Variants in KDM4D observed in about 807,000 individuals in gnomAD.
The protein encoded by KDM4D is lysine demethylase 4D.
For synonymous variants in KDM4D, 254 were observed against 249.1 expected (o/e 1.02, Z -0.19); for missense variants, 427 against 674.8 (o/e 0.63, Z 4.07).
At position 94,978,035 on chromosome 11, in the gene KDM4D, A is replaced by T. The variant is rs746147296; in HGVS notation, c.-350+2287A>T. ...TCTGAAATCCCGATTTCAAATGAAG[A>T]TATGATAAGACCCAGAAATATGACT... On this transcript the variant is annotated intron_variant, in intron 2 of 2. Transcript: ENST00000335080. Among the ~76,000 whole-genome samples the T allele has an allele frequency of 2.0e-5, 3 of 152,244 alleles. No homozygotes were observed. The East Asian group carries it at 5.8e-4, about 29-fold the overall frequency.
intron 2 of KDM4D, among the ~76,000 whole-genome samples, chr11:94,981,219 A>G (rs976115253): frequency 6.6e-6 from 1 of 152,098 alleles, no homozygotes; most frequent in Non-Finnish European, 1.5e-5. Flanking sequence ...TCATTACTGG[A>G]ATAAACCCAT....
intron 2 of KDM4D, among the ~76,000 whole-genome samples, chr11:94,993,835 CTCTTT>C (rs1384459205): frequency 7.9e-5 from 12 of 152,016 alleles, no homozygotes; most frequent in South Asian, 2.1e-4. Flanking sequence ...TCTCACTTTT[CTCTTT>C]TCTTTTCTTT....
intron 2 of KDM4D, among the ~76,000 whole-genome samples, chr11:94,987,283 TAAAA>T (rs1555098218): frequency 1.1e-4 from 17 of 152,352 alleles, no homozygotes; most frequent in African/African-American, 3.8e-4. Flanking sequence ...AGTGTACACT[TAAAA>T]TTGATGAATT....
intron 2 of KDM4D, among the ~76,000 whole-genome samples, chr11:94,991,904 C>A (rs1282839367): frequency 2.6e-5 from 4 of 151,220 alleles, no homozygotes; most frequent in African/African-American, 9.7e-5. Flanking sequence ...GATAGAGAGA[C>A]AAACAACCTA....
rs367586198 is a variant in KDM4D at position 94,991,064 on chromosome 11, T to C, written c.-349-5960T>C. Among the ~76,000 whole-genome samples, 190 of 152,316 alleles carry C rather than the reference T, an allele frequency of 1.2e-3. 3 individuals are homozygous for C. In the South Asian group the frequency reaches 0.038, roughly 30 times the overall value. Reference sequence around the variant, plus strand: ...GTGAACTGTACAAGTAGGGTACTTTTAGAAATGTGTAGCCTCTTTTGCCAT... The same window carrying C: ...GTGAACTGTACAAGTAGGGTACTTTCAGAAATGTGTAGCCTCTTTTGCCAT... On this transcript the variant is annotated intron_variant, in intron 2 of 2. Transcript: ENST00000335080.
intron 2 of KDM4D, among the ~76,000 whole-genome samples, chr11:94,996,641 A>G (rs1032006092): frequency 6.6e-6 from 1 of 152,126 alleles, no homozygotes; most frequent in African/African-American, 2.4e-5. Flanking sequence ...TATTCATTCT[A>G]TTGCTGATGG....
Position 94,997,703 on chromosome 11 carries a change from C to T in KDM4D, c.331C>T (p.Gln111Ter). The change falls in exon 3 of 3, where the codon CAG becomes TAG. Residue 111 changes from glutamine to a stop codon, truncating the protein, a stop_gained. Transcript: ENST00000335080. LOFTEE classifies it low-confidence loss of function (END_TRUNC). ...CCATTTGGCAAACAGTAAAAAATAT[C>T]AGACTCCACCACACCAGAATTTCGA... ...YRHLANSKKY[Q>*]TPPHQNFEDL... is the part of the protein sequence containing the mutation. 1 of 1,614,198 alleles carries T rather than the reference C, an allele frequency of 6.2e-7. No individual in the cohort carries two copies. Among genetic ancestry groups the T allele is most frequent in the Non-Finnish European group, 8.5e-7 (1 of 1,180,034 alleles).
In KDM4D at chr11:94,998,895, T is replaced by A; in HGVS notation, c.1523T>A (p.Leu508His). The change falls in exon 3 of 3, where the codon CTC becomes CAC. Residue 508 changes from leucine (L) to histidine (H), a missense_variant. Coordinates refer to ENST00000335080, the MANE Select transcript of KDM4D (RefSeq NM_018039.3). This position sits in a 1 kb window ranked among gnomAD's most constrained non-coding sequence, Gnocchi z 6.7. ...AAGCCTGTACCACTGAGCCCAGGGC[T>A]CCAGCATCCTGTCAAGGCTTCTGGG... ...MDKPVPLSPG[L>H]QHPVKASGCS... 6.6e-7 allele frequency: 1 copy of A among 1,516,240 alleles called. No homozygotes were observed. Among genetic ancestry groups the A allele is most frequent in the Non-Finnish European group, 8.8e-7 (1 of 1,132,346 alleles). The allele number at this position is 1,516,240 out of a possible 1,614,324, so 93.9% of individuals were successfully genotyped here. A position where few individuals can be genotyped will look rare whatever the true frequency, so the allele number is the denominator to read the frequency against.
intron 2 of KDM4D, among the ~76,000 whole-genome samples, chr11:94,980,693 C>T (rs920133797): frequency 2.0e-5 from 3 of 152,002 alleles, no homozygotes; most frequent in African/African-American, 4.8e-5. Flanking sequence ...TTATAAATGG[C>T]GTCTTCCTTA....
chr11:94,992,383 A>T (rs1322532915), intron 2 of KDM4D, among the ~76,000 whole-genome samples: 1 of 152,000 alleles, frequency 6.6e-6, no homozygotes, highest in Admixed American at 6.6e-5. Context: ...ACCCTATTAG[A>T]AAAAAACAGG....
rs200394531 is a variant in KDM4D, at chr11:94,997,903, A to C, written c.531A>C (p.Thr177=). 4.2e-5 allele frequency: 67 copies of C among 1,614,146 alleles called. No individual in the cohort carries two copies. Among genetic ancestry groups the C allele is most frequent in the Admixed American group, 2.2e-4 (13 of 60,014 alleles). ...GGGTTGTCATAGAAGGCGTCAATAC[A>C]CCCTACTTGTACTTTGGCATGTGGA... is the stretch of plus-strand genomic sequence containing the variant. ...ECGVVIEGVN[T]PYLYFGMWKT... is the part of the protein sequence containing the mutation. Residue 177 remains threonine (T), a synonymous_variant, in exon 3 of 3, where the codon ACA becomes ACC. Transcript: ENST00000335080.
chr11:94,997,921 C>A lies in KDM4D; in HGVS notation c.549C>A (p.Gly183=). 1 of 1,614,240 alleles carries A rather than the reference C, an allele frequency of 6.2e-7. No homozygotes were observed. The part of the protein sequence containing the change: ...EGVNTPYLYF[G]MWKTTFAWHT... Reference sequence around the variant, plus strand: ...TCAATACACCCTACTTGTACTTTGGCATGTGGAAAACCACGTTTGCTTGGC... The same window carrying A: ...TCAATACACCCTACTTGTACTTTGGAATGTGGAAAACCACGTTTGCTTGGC... The change falls in exon 3 of 3, where the codon GGC becomes GGA. Residue 183 remains glycine, a synonymous_variant. Coordinates refer to ENST00000335080, the MANE Select transcript of KDM4D (RefSeq NM_018039.3).
intron 2 of KDM4D, among the ~76,000 whole-genome samples, chr11:94,992,696 A>G (rs782631738): frequency 6.6e-6 from 1 of 152,124 alleles, no homozygotes; most frequent in Non-Finnish European, 1.5e-5. Flanking sequence ...TTCAACCAAT[A>G]TTTTACGGGA....
intron 2 of KDM4D, among the ~76,000 whole-genome samples, chr11:94,988,618 C>T (rs139632652): frequency 6.6e-6 from 1 of 152,292 alleles, no homozygotes; most frequent in African/African-American, 2.4e-5. Flanking sequence ...TTGGAAATGT[C>T]CCTTGCCCAG....
At chr11:94,991,820 A>T (rs1555098722) in intron 2 of KDM4D, among the ~76,000 whole-genome samples, 1 of 151,858 alleles carries the variant, frequency 6.6e-6, no homozygotes, top group African/African-American at 2.4e-5. Context: ...AAAAAATCCT[A>T]AAATTAAAGA....
chr11:94,986,428 A>C (rs1857887786), intron 2 of KDM4D, among the ~76,000 whole-genome samples: 2 of 151,988 alleles, frequency 1.3e-5, no homozygotes, highest in African/African-American at 4.8e-5. Flanking sequence ...TGTCTCTACC[A>C]AAAATTTAAA....
In KDM4D at chr11:94,994,223, A is replaced by G. The variant is rs148297987; in HGVS notation, c.-349-2801A>G. Among the ~76,000 whole-genome samples, 452 of 152,328 alleles carry G rather than the reference A, an allele frequency of 3.0e-3. 3 individuals are homozygous for G. Among genetic ancestry groups the G allele is most frequent in the Non-Finnish European group, 4.1e-3 (276 of 68,040 alleles). The stretch of plus-strand genomic sequence containing the variant: ...TGTAATAGTCAGTGGTGACTACGAT[A>G]ACACATTATTGCCCTTGATAGAAAT... On this transcript the variant is annotated intron_variant, in intron 2 of 2. Transcript: ENST00000335080.
chr11:94,986,444 A>T (rs7952032), intron 2 of KDM4D, among the ~76,000 whole-genome samples: 1,605 of 151,984 alleles, frequency 0.011, 28 homozygotes, highest in African/African-American at 0.037. Context: ...TTAAAAAAAA[A>T]ATTAGCCAGG....
At chr11:94,983,933 T>G (rs892376412) in intron 2 of KDM4D, among the ~76,000 whole-genome samples, 1 of 152,072 alleles carries the variant, frequency 6.6e-6, no homozygotes, top group Non-Finnish European at 1.5e-5. Context: ...TCTTTATCAT[T>G]TAGAAATGAT....
Sources: allele counts gnomAD v4.1 joint callset (sites outside exome capture counted in the v4.1 genomes callset), GRCh38; gene constraint gnomAD v4.1.1; non-coding constraint Gnocchi (gnomAD v3.1); transcripts MANE v1.5; gene names NCBI Gene and HGNC (gene_info 2026-07-23, HGNC 2026-07-21).